Variants in FLT1 observed in about 807,000 individuals in gnomAD.
FLT1 encodes fms related receptor tyrosine kinase 1.
A neutral mutation model predicts 156.3 loss-of-function variants in FLT1; 49 were observed. The ratio of observed to expected loss-of-function variants is 0.31; its 90% CI spans 0.25 to 0.40. The LOEUF (loss-of-function observed/expected upper bound fraction) is 0.40, where lower values mean the gene tolerates loss of function less well. FLT1 is among the 10% of genes least tolerant of loss of function. The probability of loss-of-function intolerance (pLI) is 1.00; values close to 1 mark genes in which losing one functional copy is unlikely to be tolerated. For missense variants in FLT1, 1,322 were observed against 1,637.2 expected (o/e 0.81, Z 3.32); for synonymous variants, 594 against 583.8 (o/e 1.02, Z -0.25).
Position 28,329,631 on chromosome 13 carries a change from G to T in FLT1, c.2691C>A (p.Ala897=), listed in dbSNP as rs781579164. ...CTCCATTACCTCCTTGCTTGGTGCA[G>T]GCTCCCAGCAGGTTAACCACGTTCA... ...HHLNVVNLLG[A]CTKQGGPLMV... Residue 897 remains alanine (A), a synonymous_variant, in exon 19 of 30, where the codon GCC becomes GCA. Coordinates refer to ENST00000282397, the MANE Select transcript of FLT1 (RefSeq NM_002019.4). 8 of 1,612,844 alleles carry T rather than the reference G, an allele frequency of 5.0e-6. No individual in the cohort carries two copies. The highest frequency in any genetic ancestry group is 6.8e-6 in the Non-Finnish European group (8 of 1,178,830).
chr13:28,414,114 A>C (rs1043008796), intron 10 of FLT1, among the ~76,000 whole-genome samples: 1 of 152,220 alleles, frequency 6.6e-6, no homozygotes, highest in South Asian at 2.1e-4. Context: ...CTGTGGAAGA[A>C]GTGTGGTCAG....
intron 12 of FLT1, 84 bp from the exon 13 acceptor site, chr13:28,390,188 G>A (rs7983774): frequency 0.29 from 440,718 of 1,539,366 alleles, 65,420 homozygotes; most frequent in East Asian, 0.4. Flanking sequence ...AGAATTGTTC[G>A]TGCACAAATT....
intron 3 of FLT1, among the ~76,000 whole-genome samples, chr13:28,456,374 T>C (rs1393992833): frequency 6.6e-6 from 1 of 152,038 alleles, no homozygotes; most frequent in African/African-American, 2.4e-5. Flanking sequence ...TATTAAGCCA[T>C]GGAAAGACAT....
rs780795250 is a variant in FLT1, at chr13:28,357,658, G to C, written c.2144C>G (p.Thr715Arg). The change falls in exon 15 of 30, where the codon ACG (threonine) becomes AGG (arginine). Residue 715 changes from threonine to arginine, a missense_variant. By Grantham distance (71) the Thr-to-Arg change is moderately conservative (BLOSUM62 -1). Transcript: ENST00000282397. ...PGIILGPGSSTLFIERVTEED... is the reference protein window; with the variant it reads ...PGIILGPGSSRLFIERVTEED... ...TTCTGTGACTCTTTCAATAAACAGCGTGCTGCTTCCTGGTCCTAAAATAAT... is the reference window on the plus strand; with the variant it reads ...TTCTGTGACTCTTTCAATAAACAGCCTGCTGCTTCCTGGTCCTAAAATAAT... The C allele has an allele frequency of 6.2e-6, 10 of 1,613,538 alleles. No individual in the cohort carries two copies. The highest frequency in any genetic ancestry group is 8.5e-6 in the Non-Finnish European group (10 of 1,179,556).
chr13:28,489,311 G>A (rs1024255035), intron 1 of FLT1, among the ~76,000 whole-genome samples: 1 of 152,198 alleles, frequency 6.6e-6, no homozygotes, highest in Admixed American at 6.5e-5. Flanking sequence ...AAATGATAGT[G>A]TGGCCACATA....
rs528765942 is a variant in FLT1, at chr13:28,341,586, A to G, written c.2356-2286T>C. ...TAGTAAGCCTCCATAAATGTTGGCT[A>G]TAATTATAACAATAAATGTTAGCTA... On this transcript the variant is annotated intron_variant, in intron 16 of 29. Transcript: ENST00000282397. Among the ~76,000 whole-genome samples the G allele has an allele frequency of 3.9e-5, 6 of 152,374 alleles. No homozygotes were observed. The South Asian group carries it at 1.2e-3, about 32-fold the overall frequency.
At chr13:28,457,863 T>C (rs2137601411) in intron 3 of FLT1, among the ~76,000 whole-genome samples, 1 of 152,218 alleles carries the variant, frequency 6.6e-6, no homozygotes, top group African/African-American at 2.4e-5. Flanking sequence ...AATGAGAGAA[T>C]ATGGTCAATT....
chr13:28,375,450 G>C (rs1035564856), intron 14 of FLT1, among the ~76,000 whole-genome samples: 1 of 151,986 alleles, frequency 6.6e-6, no homozygotes, highest in Non-Finnish European at 1.5e-5. Context: ...GCTGAGATGA[G>C]TGTTGTAGGT....
intron 27 of FLT1, among the ~76,000 whole-genome samples, chr13:28,309,136 T>C (rs754413672): frequency 1.7e-4 from 26 of 152,028 alleles, no homozygotes; most frequent in Non-Finnish European, 2.6e-4. Context: ...TCACATTCTG[T>C]AGGGTTGAGG....
At chr13:28,308,986 C>A in intron 27 of FLT1, 59 bp from the exon 28 acceptor site, 1 of 917,604 alleles carries the variant, frequency 1.1e-6, no homozygotes, top group South Asian at 1.3e-5. Context: ...TCTAATGAGT[C>A]AGGAGACCAC....
chr13:28,438,076 C>T (rs1311528991), intron 4 of FLT1, 145 bp downstream of exon 4: 3 of 749,872 alleles, frequency 4.0e-6, no homozygotes, highest in East Asian at 2.7e-5. Context: ...AGCACTATTC[C>T]TTATAGTAAA....
At chr13:28,363,163 A>G (rs1316712825) in intron 14 of FLT1, among the ~76,000 whole-genome samples, 1 of 152,210 alleles carries the variant, frequency 6.6e-6, no homozygotes, top group Non-Finnish European at 1.5e-5. Flanking sequence ...ATCGTAGGAT[A>G]CAGGCTCTGT....
chr13:28,430,211 C>T lies in FLT1; in HGVS notation c.989-44G>A, dbSNP rs866749865. ...TACATACATTAGAAAAGAATAATTT[C>T]CATAAACAAAACCTTAGGGCCTCAT... On this transcript the variant is annotated intron_variant, in intron 7 of 29. Transcript: ENST00000282397. 7.0e-6 allele frequency: 10 copies of T among 1,434,120 alleles called. No individual in the cohort carries two copies. The Middle Eastern group carries it at 1.7e-3, about 244-fold the overall frequency. The allele number at this position is 1,434,120 out of a possible 1,614,324, so 88.8% of individuals were successfully genotyped here.
chr13:28,342,507 G>A (rs1415339630), intron 16 of FLT1, among the ~76,000 whole-genome samples: 1 of 152,130 alleles, frequency 6.6e-6, no homozygotes, highest in African/African-American at 2.4e-5. Context: ...TAGTTGTCAT[G>A]TCTCAAAATC....
intron 1 of FLT1, among the ~76,000 whole-genome samples, chr13:28,485,181 T>C (rs1005749896): frequency 6.6e-6 from 1 of 152,134 alleles, no homozygotes. Flanking sequence ...GTATAGTCAG[T>C]AGGGTTTGGT....
chr13:28,368,378 C>G (rs1031178823), intron 14 of FLT1: 2 of 1,112,726 alleles, frequency 1.8e-6, no homozygotes, highest in East Asian at 5.3e-5. Flanking sequence ...TCTTGAACTC[C>G]TGACCTCAAA....
At chr13:28,321,262 A>G (rs1041211297) in intron 23 of FLT1, among the ~76,000 whole-genome samples, 11 of 152,232 alleles carry the variant, frequency 7.2e-5, no homozygotes, top group Admixed American at 7.2e-4. Context: ...GCATTAGGGA[A>G]GAGCAGAAGC....
In FLT1 at chr13:28,427,167, G is replaced by A. The variant is rs758830785; in HGVS notation, c.1428C>T (p.Ser476=). 1.2e-5 allele frequency: 20 copies of A among 1,613,732 alleles called. No individual in the cohort carries two copies. The highest frequency in any genetic ancestry group is 1.6e-4 in the Middle Eastern group (1 of 6,084). Residue 476 remains serine, a synonymous_variant, in exon 10 of 30, where the codon TCC becomes TCT. Transcript: ENST00000282397. The stretch of plus-strand genomic sequence containing the variant: ...AAACTGACTGTCCCTACCTTGCTTC[G>A]GAATGATTATGGTTACAGGGGTGCC... ...WFWHPCNHNH[S]EARCDFCSNN...
chr13:28,424,231 A>C (rs576367235), intron 10 of FLT1, among the ~76,000 whole-genome samples: 5 of 151,800 alleles, frequency 3.3e-5, no homozygotes, highest in Non-Finnish European at 5.9e-5. Context: ...GAGCCACTGC[A>C]CCTGGCCCCA....
Sources: gnomAD v4.1 joint callset for allele counts (sites outside exome capture counted in the v4.1 genomes callset) on GRCh38, gnomAD v4.1.1 for gene constraint, MANE v1.5 for transcripts, NCBI Gene and HGNC (gene_info 2026-07-23, HGNC 2026-07-21) for gene names.